The following MAP4K3 variants were observed in gnomAD, a reference collection of about 807,000 sequenced individuals.
MAP4K3 encodes mitogen-activated protein kinase kinase kinase kinase 3, also known as MAPK/ERK kinase kinase kinase 3.
Under a neutral mutation model 143.5 loss-of-function variants are expected in MAP4K3, and 94 were observed. That is an observed-to-expected ratio of 0.65 (90% CI 0.55 to 0.78). The LOEUF (loss-of-function observed/expected upper bound fraction) is 0.78. Among genes scored for constraint, MAP4K3 ranks in the 30% least tolerant of loss-of-function variants. The probability of loss-of-function intolerance (pLI) is 0.00; values close to 1 mark genes in which losing one functional copy is unlikely to be tolerated. For missense variants in MAP4K3, 1,077 were observed against 1,068.1 expected, an observed-to-expected ratio of 1.01 and a Z score of -0.12; for synonymous variants, 416 against 347.2, an observed-to-expected ratio of 1.20 and a Z score of -2.20.
chr2:39,377,838 G>T (rs1465932549), intron 2 of MAP4K3, among the ~76,000 whole-genome samples: 1 of 152,132 alleles, frequency 6.6e-6, no homozygotes, highest in African/African-American at 2.4e-5. Flanking sequence ...GTCTTTTCAG[G>T]AGGAGTTCCC....
At chr2:39,299,093 A>G (rs967188733) in intron 16 of MAP4K3, among the ~76,000 whole-genome samples, 1 of 152,186 alleles carries the variant, frequency 6.6e-6, no homozygotes, top group Admixed American at 6.5e-5. Flanking sequence ...TTATCCACAA[A>G]CTTAGAAAAT....
intron 15 of MAP4K3, among the ~76,000 whole-genome samples, chr2:39,301,009 G>A (rs1366987952): frequency 1.3e-5 from 2 of 152,068 alleles, no homozygotes; most frequent in African/African-American, 2.4e-5. Context: ...CTTCAGCCTC[G>A]TTAAGATACA....
chr2:39,277,617 T>G (rs1427329046), intron 24 of MAP4K3, among the ~76,000 whole-genome samples: 6 of 151,904 alleles, frequency 3.9e-5, no homozygotes, highest in Non-Finnish European at 8.8e-5. Flanking sequence ...CAGGCTGGAG[T>G]GCAATGGCGT....
At chr2:39,277,080 CTT>C (rs1033733317) in intron 24 of MAP4K3, among the ~76,000 whole-genome samples, 2 of 152,196 alleles carry the variant, frequency 1.3e-5, no homozygotes, top group African/African-American at 2.4e-5. Context: ...AATTAACACT[CTT>C]TTACCATTTG....
chr2:39,268,152 A>G (rs1171905369), intron 26 of MAP4K3, among the ~76,000 whole-genome samples: 1 of 152,160 alleles, frequency 6.6e-6, no homozygotes, highest in African/African-American at 2.4e-5. Context: ...CAAACATCTG[A>G]CTCGAATTTA....
chr2:39,310,553 G>C (rs1682904969), intron 13 of MAP4K3, among the ~76,000 whole-genome samples: 1 of 152,112 alleles, frequency 6.6e-6, no homozygotes, highest in Non-Finnish European at 1.5e-5. Context: ...CAATAAACTT[G>C]GGAGTGTAGA....
intron 1 of MAP4K3, among the ~76,000 whole-genome samples, chr2:39,378,352 C>T (rs938275506): frequency 7.2e-5 from 11 of 152,038 alleles, no homozygotes; most frequent in Non-Finnish European, 2.9e-5. Context: ...GATGTTAGTA[C>T]GGATGTGCCA....
intron 13 of MAP4K3, among the ~76,000 whole-genome samples, chr2:39,311,162 C>G (rs564683757): frequency 6.6e-6 from 1 of 152,280 alleles, no homozygotes; most frequent in African/African-American, 2.4e-5. Flanking sequence ...ACTGCAACCT[C>G]CACCTCCTGG....
intron 2 of MAP4K3, among the ~76,000 whole-genome samples, chr2:39,369,205 G>GTTTTTTTTTGTGTTT (rs68013609): frequency 1.6e-5 from 2 of 125,380 alleles, no homozygotes; most frequent in Non-Finnish European, 1.6e-5. Context: ...TTTTTTTTTT[G>GTTTTTTTTTGTGTTT]TTTTTTTTGA....
chr2:39,392,049 G>T (rs948497511), intron 1 of MAP4K3, among the ~76,000 whole-genome samples: 1 of 151,784 alleles, frequency 6.6e-6, no homozygotes, highest in African/African-American at 2.4e-5. Flanking sequence ...GGCATGGTAG[G>T]TAGCGCGCGC....
chr2:39,389,958 T>C (rs1046203097), intron 1 of MAP4K3, among the ~76,000 whole-genome samples: 10 of 152,190 alleles, frequency 6.6e-5, no homozygotes, highest in African/African-American at 2.4e-4. Context: ...AAGGTGGAAG[T>C]ACAATTAAAT....
intron 20 of MAP4K3, 101 bp from the exon 21 acceptor site, chr2:39,287,065 G>C (rs1438622954): frequency 1.7e-6 from 1 of 594,932 alleles, no homozygotes; most frequent in Non-Finnish European, 2.9e-6. Flanking sequence ...CTGACATAGT[G>C]TCATTATTCA....
At chr2:39,296,620 G>A (rs576252599) in intron 16 of MAP4K3, among the ~76,000 whole-genome samples, 1 of 152,134 alleles carries the variant, frequency 6.6e-6, no homozygotes, top group Non-Finnish European at 1.5e-5. Context: ...TCAGTGCTGC[G>A]GTTATTAACA....
At chr2:39,392,474 C>G (rs931820267) in intron 1 of MAP4K3, among the ~76,000 whole-genome samples, 10 of 152,148 alleles carry the variant, frequency 6.6e-5, no homozygotes, top group Admixed American at 5.9e-4. Flanking sequence ...GCTATTTGCC[C>G]CTATACTAAA....
chr2:39,315,874 AT>A (rs1683099922), intron 12 of MAP4K3, among the ~76,000 whole-genome samples: 2 of 152,092 alleles, frequency 1.3e-5, no homozygotes, highest in Non-Finnish European at 1.5e-5. Context: ...CAATTTATGA[AT>A]TTTTTTGAAA....
intron 20 of MAP4K3, among the ~76,000 whole-genome samples, chr2:39,287,749 G>T (rs1205813594): frequency 6.6e-6 from 1 of 152,142 alleles, no homozygotes; most frequent in Non-Finnish European, 1.5e-5. Flanking sequence ...AATGAAATAA[G>T]GAGTTAGGAC....
At chr2:39,338,103 A>G (rs1558654291) in intron 4 of MAP4K3, among the ~76,000 whole-genome samples, 2 of 152,042 alleles carry the variant, frequency 1.3e-5, no homozygotes. Context: ...TCATTGTTGT[A>G]TCTCCAGTGT....
chr2:39,331,799 C>T (rs1683690525), intron 8 of MAP4K3, 118 bp downstream of exon 8: 1 of 539,842 alleles, frequency 1.9e-6, no homozygotes, highest in Non-Finnish European at 3.2e-6. Context: ...ATTACTTTGC[C>T]TGTTGATGAC....
intron 8 of MAP4K3, among the ~76,000 whole-genome samples, chr2:39,327,707 T>C (rs1202031725): frequency 6.6e-6 from 1 of 152,206 alleles, no homozygotes; most frequent in East Asian, 1.9e-4. Flanking sequence ...CTTATGAAAA[T>C]TTAAATTACT....
Sources: gnomAD v4.1 joint callset for allele counts (sites outside exome capture counted in the v4.1 genomes callset) on GRCh38, gnomAD v4.1.1 for gene constraint, MANE v1.5 for transcripts, NCBI Gene and HGNC (gene_info 2026-07-23, HGNC 2026-07-21) for gene names.